The following TNFRSF10A variants were observed in gnomAD, a reference collection of about 807,000 sequenced individuals.
The protein encoded by TNFRSF10A is TNF receptor superfamily member 10a.
In TNFRSF10A, 44 loss-of-function variants were observed where a neutral mutation model predicts 42.8. That is an observed-to-expected ratio of 1.03 (90% CI 0.81 to 1.32). The LOEUF (loss-of-function observed/expected upper bound fraction) is 1.32, where lower values mean the gene tolerates loss of function less well. Ranked by LOEUF, TNFRSF10A falls within the 40% of genes most tolerant of loss-of-function variation. The pLI is 0.00. For synonymous variants in TNFRSF10A, 259 were observed against 234.2 expected (o/e 1.11, Z -0.97); for missense variants, 680 against 602.0 (o/e 1.13, Z -1.36).
At chr8:23,192,517 A>C (rs115401313) in intron 9 of TNFRSF10A, among the ~76,000 whole-genome samples, 2,063 of 152,288 alleles carry the variant, frequency 0.014, 40 homozygotes, top group African/African-American at 0.045. Flanking sequence ...CTGACCAAGA[A>C]GCAAACCTGA....
chr8:23,222,556 C>A (rs911638448), intron 1 of TNFRSF10A, among the ~76,000 whole-genome samples: 4 of 152,128 alleles, frequency 2.6e-5, no homozygotes, highest in African/African-American at 9.7e-5. Flanking sequence ...GTTCTTCAGT[C>A]AGAATTTTAA....
At position 23,202,762 on chromosome 8, in the gene TNFRSF10A, C is replaced by T; in HGVS notation, c.404-1G>A. 6.2e-7 allele frequency: 1 copy of T among 1,605,622 alleles called. No individual in the cohort carries two copies. The highest frequency in any genetic ancestry group is 8.5e-7 in the Non-Finnish European group (1 of 1,172,480). ...CCAGGATGTTCTGATCTATGAGATCCTGGGAAGGGAGAGAAAAGCCAATGA... is the reference window on the plus strand; with the variant it reads ...CCAGGATGTTCTGATCTATGAGATCTTGGGAAGGGAGAGAAAAGCCAATGA... On this transcript the variant is annotated splice_acceptor_variant, in intron 2 of 9. Transcript: ENST00000221132. LOFTEE classifies it high-confidence loss of function.
intron 4 of TNFRSF10A, among the ~76,000 whole-genome samples, chr8:23,201,276 G>T (rs1800913609): frequency 6.6e-6 from 1 of 152,210 alleles, no homozygotes; most frequent in Admixed American, 6.5e-5. Context: ...GGGGCCAGGG[G>T]TGAGGCTGGC....
chr8:23,220,734 C>G (rs1801245389), intron 1 of TNFRSF10A, among the ~76,000 whole-genome samples: 1 of 152,222 alleles, frequency 6.6e-6, no homozygotes, highest in South Asian at 2.1e-4. Flanking sequence ...AACTGCCCAA[C>G]AGCACAGGCT....
intron 1 of TNFRSF10A, 141 bp downstream of exon 1, chr8:23,224,615 C>G (rs1332127823): frequency 5.1e-6 from 6 of 1,176,992 alleles, no homozygotes; most frequent in Non-Finnish European, 7.0e-6. Context: ...TCCTCCGACT[C>G]CGACGACGGG....
chr8:23,200,738 C>T lies in TNFRSF10A; in HGVS notation c.652G>A (p.Val218Ile), dbSNP rs368869003. The change falls in exon 5 of 10, where the codon GTC becomes ATC. Residue 218 changes from valine to isoleucine, a missense_variant. Transcript: ENST00000221132. ...TCACTCCAGGGCGTACAATCCTTGACCTTGACCATCCCTCTGGGGCACCTG... is the reference window on the plus strand; with the variant it reads ...TCACTCCAGGGCGTACAATCCTTGATCTTGACCATCCCTCTGGGGCACCTG... ...SRGCPRGMVK[V>I]KDCTPWSDIE... The T allele has an allele frequency of 1.9e-6, 3 of 1,613,902 alleles. No individual in the cohort carries two copies. The highest frequency in any genetic ancestry group is 2.2e-5 in the East Asian group (1 of 44,856).
intron 1 of TNFRSF10A, among the ~76,000 whole-genome samples, chr8:23,219,083 C>T (rs1247682530): frequency 2.0e-5 from 3 of 152,010 alleles, no homozygotes; most frequent in Non-Finnish European, 4.4e-5. Flanking sequence ...CCGGCACAGC[C>T]TCTCTGGAGG....
At chr8:23,211,960 A>G (rs1341966436) in intron 2 of TNFRSF10A, among the ~76,000 whole-genome samples, 156 bp downstream of exon 2, 1 of 152,250 alleles carries the variant, frequency 6.6e-6, no homozygotes, top group Non-Finnish European at 1.5e-5. Flanking sequence ...ATCAATAAGT[A>G]TCTGTTGAAT....
intron 9 of TNFRSF10A, 132 bp downstream of exon 9, chr8:23,197,000 G>T: frequency 2.6e-6 from 3 of 1,173,780 alleles, no homozygotes; most frequent in Non-Finnish European, 3.8e-6. Context: ...GGTCTTGATG[G>T]TCTATAGCAT....
Position 23,215,367 on chromosome 8 carries a change from G to T in TNFRSF10A, c.307-3155C>A, listed in dbSNP as rs569236351. On this transcript the variant is annotated intron_variant, in intron 1 of 9. Coordinates refer to ENST00000221132, the MANE Select transcript of TNFRSF10A (RefSeq NM_003844.4). The stretch of plus-strand genomic sequence containing the variant: ...CCCGTCTCTACTAAAAATATGCTGG[G>T]CGTGGTGGTGGGCACCTGTAATCCC... Among the ~76,000 whole-genome samples the T allele has an allele frequency of 1.1e-4, 16 of 152,066 alleles. No homozygotes were observed. In the East Asian group the frequency reaches 2.9e-3, roughly 28 times the overall value.
chr8:23,207,056 G>C, intron 2 of TNFRSF10A: 1 of 472,256 alleles, frequency 2.1e-6, no homozygotes, highest in East Asian at 4.8e-5. Flanking sequence ...CCCACCTTCC[G>C]GTGGCCCAAG....
In TNFRSF10A at chr8:23,197,203, C is replaced by T. The variant is rs1800834959; in HGVS notation, c.1016G>A (p.Gly339Glu). 1 of 1,614,136 alleles carries T rather than the reference C, an allele frequency of 6.2e-7. No homozygotes were observed. Among genetic ancestry groups the T allele is most frequent in the Non-Finnish European group, 8.5e-7 (1 of 1,180,004 alleles). ...QSPGEAQCLL[G>E]PAEAEGSQRR... ...CTGAGACCCTTCAGCTTCTGCCGGT[C>T]CCTGTAACACACAGTGGGGAATGCC... is the stretch of plus-strand genomic sequence containing the variant. Residue 339 changes from glycine to glutamate, a missense_variant and splice_region_variant, in exon 9 of 10, where the codon GGA becomes GAA. By Grantham distance (98) the Gly-to-Glu change is moderately conservative. Transcript: ENST00000221132.
chr8:23,221,273 C>A (rs1002950609), intron 1 of TNFRSF10A, among the ~76,000 whole-genome samples: 1 of 152,320 alleles, frequency 6.6e-6, no homozygotes, highest in Admixed American at 6.5e-5. Flanking sequence ...AGGGCCGCTG[C>A]AGACTTTTAT....
intron 1 of TNFRSF10A, among the ~76,000 whole-genome samples, chr8:23,213,667 A>C (rs1801127636): frequency 6.6e-6 from 1 of 151,894 alleles, no homozygotes; most frequent in Non-Finnish European, 1.5e-5. Flanking sequence ...GATGGTCTCT[A>C]TCTCCTGACC....
rs9282877 is a variant in TNFRSF10A, at chr8:23,201,637, G to A, written c.629+171C>T. Among the ~76,000 whole-genome samples, 18 of 152,194 alleles carry A rather than the reference G, an allele frequency of 1.2e-4. No individual in the cohort carries two copies. In the East Asian group the frequency reaches 3.1e-3, roughly 26 times the overall value. ...GGGGACAGGCAGATGGACCAGGAGG[G>A]GCAGGTTGCAGGCTCAGGAGACGCC... On this transcript the variant is annotated intron_variant, in intron 4 of 9. Transcript: ENST00000221132.
intron 2 of TNFRSF10A, chr8:23,207,286 C>T: frequency 1.7e-6 from 1 of 600,802 alleles, no homozygotes; most frequent in Non-Finnish European, 3.2e-6. Flanking sequence ...CCTGATTAGG[C>T]CTGATGGAGA....
intron 1 of TNFRSF10A, among the ~76,000 whole-genome samples, chr8:23,214,592 A>T (rs1801149505): frequency 6.6e-6 from 1 of 152,188 alleles, no homozygotes; most frequent in African/African-American, 2.4e-5. Flanking sequence ...GTGATTGGAA[A>T]AGATAGTTTG....
chr8:23,202,897 T>C (rs1455322214), intron 2 of TNFRSF10A, 136 bp from the exon 3 acceptor site: 6 of 619,978 alleles, frequency 9.7e-6, no homozygotes, highest in Non-Finnish European at 1.8e-5. Flanking sequence ...CTTGGTCTTG[T>C]CGTCAATTCT....
At chr8:23,216,088 GATT>G (rs1176478995) in intron 1 of TNFRSF10A, among the ~76,000 whole-genome samples, 1 of 152,084 alleles carries the variant, frequency 6.6e-6, no homozygotes, top group East Asian at 1.9e-4. Flanking sequence ...AAAGTGCTGG[GATT>G]ACAGGGATGA....
Sources: allele counts gnomAD v4.1 joint callset (sites outside exome capture counted in the v4.1 genomes callset), GRCh38; gene constraint gnomAD v4.1.1; transcripts MANE v1.5; gene names NCBI Gene and HGNC (gene_info 2026-07-23, HGNC 2026-07-21).